The following SIGLEC7 variants were observed in gnomAD, a reference collection of about 807,000 sequenced individuals.
The protein encoded by SIGLEC7 is sialic acid binding Ig like lectin 7, also known as sialic acid-binding Ig-like lectin 7.
SIGLEC7 carries 33 observed loss-of-function variants against 40.8 expected under a neutral mutation model. The ratio of observed to expected loss-of-function variants is 0.81; its 90% CI spans 0.61 to 1.08. SIGLEC7 has a LOEUF of 1.08. Among genes scored for constraint, SIGLEC7 ranks in the 50% least tolerant of loss-of-function variants. SIGLEC7 has a pLI of 0.00. For synonymous variants in SIGLEC7, 242 were observed against 237.6 expected (o/e 1.02, Z -0.17); for missense variants, 513 against 576.1 (o/e 0.89, Z 1.12).
intron 2 of SIGLEC7, 40 bp from the exon 3 acceptor site, chr19:51,144,872 C>A (rs759820886): frequency 1.2e-6 from 2 of 1,608,024 alleles, no homozygotes; most frequent in Non-Finnish European, 1.7e-6. Context: ...GTGTCCCCAG[C>A]CCTCACAGTG....
rs1047743271 is a variant in SIGLEC7, at chr19:51,142,409, G to C, written c.40G>C (p.Glu14Gln). The C allele has an allele frequency of 1.2e-6, 2 of 1,614,112 alleles. No individual in the cohort carries two copies. The highest frequency in any genetic ancestry group is 2.7e-5 in the African/African-American group (2 of 75,042). The change falls in exon 1 of 7, where the codon GAG becomes CAG. Residue 14 changes from glutamate (E) to glutamine (Q), a missense_variant. Physicochemically the swap from Glu to Gln is conservative, Grantham distance 29. Coordinates refer to ENST00000317643, the MANE Select transcript of SIGLEC7 (RefSeq NM_014385.4). The surrounding 1 kb of genome is among the most constrained non-coding windows in gnomAD (Gnocchi z 5.0). ...GCTGCTGCCCCTGCTCTGGGGGAGG[G>C]AGAGGGTGGAAGGACAGAAGAGTAA... ...LLLLPLLWGR[E>Q]RVEGQKSNRK...
At position 51,142,508 on chromosome 19, in the gene SIGLEC7, T is replaced by C; in HGVS notation, c.139T>C (p.Ser47Pro). The C allele has an allele frequency of 1.2e-6, 2 of 1,614,146 alleles. No individual in the cohort carries two copies. The highest frequency in any genetic ancestry group is 2.2e-5 in the South Asian group (2 of 91,082). Residue 47 changes from serine (S) to proline (P), a missense_variant, in exon 1 of 7, where the codon TCC (serine) becomes CCC (proline). By Grantham distance (74) the Ser-to-Pro change is moderately conservative. Transcript: ENST00000317643. The surrounding 1 kb of genome is among the most constrained non-coding windows in gnomAD (Gnocchi z 5.0). ...QEGMCVHVRCSFSYPVDSQTD... is the reference protein window; with the variant it reads ...QEGMCVHVRCPFSYPVDSQTD... Reference sequence around the variant, plus strand: ...GGGCATGTGTGTCCATGTGCGCTGCTCCTTCTCCTACCCAGTGGACAGCCA... The same window carrying C: ...GGGCATGTGTGTCCATGTGCGCTGCCCCTTCTCCTACCCAGTGGACAGCCA...
At chr19:51,147,079 C>A in intron 5 of SIGLEC7, 142 bp from the exon 6 acceptor site, 1 of 1,303,408 alleles carries the variant, frequency 7.7e-7, no homozygotes, top group Admixed American at 2.5e-5. Context: ...GTTTTCAACA[C>A]TGGGGTCTCT....
In SIGLEC7 at chr19:51,144,401, AC is replaced by A. The variant is rs777590905; in HGVS notation, c.434-3del. ...CCTGATCCTGAGTCCCCCTCTCTTC[AC>A]CAGCCTTGACCCACAGGCCCAACAT... is the stretch of plus-strand genomic sequence containing the variant. On this transcript the variant is annotated splice_polypyrimidine_tract_variant and splice_region_variant and intron_variant, in intron 1 of 6. Coordinates refer to ENST00000317643, the MANE Select transcript of SIGLEC7 (RefSeq NM_014385.4). 3.9e-5 allele frequency: 63 copies of A among 1,603,010 alleles called. No homozygotes were observed. In the African/African-American group the frequency reaches 8.2e-4, roughly 21 times the overall value.
chr19:51,148,628 G>A (rs1041029086), intron 6 of SIGLEC7, among the ~76,000 whole-genome samples: 1 of 152,158 alleles, frequency 6.6e-6, no homozygotes. Context: ...TTGCTATTGT[G>A]AATAGTACTA....
Position 51,144,371 on chromosome 19 carries a change from T to C in SIGLEC7, c.434-35T>C, listed in dbSNP as rs369737207. The C allele has an allele frequency of 2.9e-5, 46 of 1,574,736 alleles. No individual in the cohort carries two copies. In the East Asian group the frequency reaches 6.0e-4, roughly 21 times the overall value. ...TCCCCCAGGGCTGTACCATGGATCC[T>C]CTGTCCTGATCCTGAGTCCCCCTCT... is the stretch of plus-strand genomic sequence containing the variant. On this transcript the variant is annotated intron_variant, in intron 1 of 6. Coordinates refer to ENST00000317643, the MANE Select transcript of SIGLEC7 (RefSeq NM_014385.4).
Position 51,148,243 on chromosome 19 carries a change from T to C in SIGLEC7, c.1221+926T>C, listed in dbSNP as rs187983208. 5.8e-4 allele frequency among the ~76,000 whole-genome samples: 88 copies of C among 152,298 alleles called. 1 individual carries two copies. Among genetic ancestry groups the C allele is most frequent in the African/African-American group, 2.0e-3 (85 of 41,550 alleles). ...GTGCAGGTTTGTTACATACATAAAC[T>C]CTGGTCAGAGGGGTTTGTGGTACAG... On this transcript the variant is annotated intron_variant, in intron 6 of 6. Coordinates refer to ENST00000317643, the MANE Select transcript of SIGLEC7 (RefSeq NM_014385.4).
chr19:51,142,878 G>A lies in SIGLEC7; in HGVS notation c.433+76G>A. The A allele has an allele frequency of 1.4e-6, 2 of 1,447,260 alleles. No homozygotes were observed. The highest frequency in any genetic ancestry group is 1.9e-6 in the Non-Finnish European group (2 of 1,065,324). 89.7% of individuals were successfully genotyped at this position (1,447,260 alleles called of 1,614,324 possible). On this transcript the variant is annotated intron_variant, in intron 1 of 6. Transcript: ENST00000317643. This position sits in a 1 kb window ranked among gnomAD's most constrained non-coding sequence, Gnocchi z 5.0. ...AGGGCACGGCTGAGACGGGACACAT[G>A]TCCTGGGAGGGGGCCGGGGGTGATG... is the stretch of plus-strand genomic sequence containing the variant.
rs115502764 is a variant in SIGLEC7 at position 51,153,426 on chromosome 19, G to A, written c.*181G>A. 3.8e-3 allele frequency: 1,705 copies of A among 447,142 alleles called. 30 individuals are homozygous for A. Among genetic ancestry groups the A allele is most frequent in the African/African-American group, 0.029 (1,468 of 49,926 alleles). 27.7% of individuals were successfully genotyped at this position (447,142 alleles called of 1,614,324 possible). On this transcript the variant is annotated 3_prime_UTR_variant, in exon 7 of 7. Transcript: ENST00000317643. ...AAACTCTCCCTTTCCCCATCCAATC[G>A]GTCCACACTCCCCGCCCTGGCCTCT...
chr19:51,147,463 C>T (rs2092117139), intron 6 of SIGLEC7, 146 bp downstream of exon 6: 1 of 637,382 alleles, frequency 1.6e-6, no homozygotes, highest in Non-Finnish European at 2.6e-6. Context: ...TGCAGGATTC[C>T]CCATCTTGCT....
chr19:51,147,439 C>A, intron 6 of SIGLEC7, 122 bp downstream of exon 6: 2 of 725,146 alleles, frequency 2.8e-6, no homozygotes, highest in South Asian at 1.8e-5. Context: ...TCCTTCCCAC[C>A]ATCCAGCTTC....
intron 6 of SIGLEC7, among the ~76,000 whole-genome samples, chr19:51,148,929 T>C (rs1178317011): frequency 6.6e-6 from 1 of 152,254 alleles, no homozygotes; most frequent in Non-Finnish European, 1.5e-5. Context: ...TGCGTTTCTC[T>C]AGTGATCAGC....
Position 51,144,412 on chromosome 19 carries a change from C to T in SIGLEC7, c.440C>T (p.Thr147Ile). 6.2e-7 allele frequency: 1 copy of T among 1,608,282 alleles called. No homozygotes were observed. The highest frequency in any genetic ancestry group is 1.3e-5 in the African/African-American group (1 of 75,012). ...GTCCCCCTCTCTTCACCAGCCTTGA[C>T]CCACAGGCCCAACATCCTTATCCCC... The part of the protein sequence containing the change: ...DQLSVNVTAL[T>I]HRPNILIPGT... The change falls in exon 2 of 7, where the codon ACC becomes ATC. Residue 147 changes from threonine to isoleucine, a missense_variant. Physicochemically the swap from Thr to Ile is moderately conservative, Grantham distance 89. Coordinates refer to ENST00000317643, the MANE Select transcript of SIGLEC7 (RefSeq NM_014385.4).
Position 51,145,048 on chromosome 19 carries a change from G to C in SIGLEC7, c.760+89G>C. 7.8e-7 allele frequency: 1 copy of C among 1,287,390 alleles called. No individual in the cohort carries two copies. The highest frequency in any genetic ancestry group is 1.1e-6 in the Non-Finnish European group (1 of 885,660). The allele number at this position is 1,287,390 out of a possible 1,614,324, so 79.7% of individuals were successfully genotyped here. On this transcript the variant is annotated intron_variant, in intron 3 of 6. Coordinates refer to ENST00000317643, the MANE Select transcript of SIGLEC7 (RefSeq NM_014385.4). The surrounding 1 kb of genome is among the most constrained non-coding windows in gnomAD (Gnocchi z 4.3). The stretch of plus-strand genomic sequence containing the variant: ...TCCCTCCTCATCCTGGACTCACCCT[G>C]GTGATATGAGACTCCCTTGTAGTTG...
intron 6 of SIGLEC7, among the ~76,000 whole-genome samples, chr19:51,151,455 A>G (rs1175102852): frequency 1.3e-5 from 2 of 152,192 alleles, no homozygotes; most frequent in Non-Finnish European, 2.9e-5. Flanking sequence ...AGGAGAAAGG[A>G]GTGGGCTGGG....
intron 6 of SIGLEC7, chr19:51,152,817 T>C (rs2092152393): frequency 3.8e-6 from 1 of 260,088 alleles, no homozygotes; most frequent in Admixed American, 5.5e-5. Flanking sequence ...ATGGAGTTGT[T>C]GCGGGAAGTT....
intron 6 of SIGLEC7, among the ~76,000 whole-genome samples, chr19:51,152,306 A>C (rs1405910380): frequency 1.3e-5 from 2 of 152,194 alleles, no homozygotes; most frequent in African/African-American, 2.4e-5. Context: ...CAAATAATCC[A>C]GGATAACCTC....
In SIGLEC7 at chr19:51,145,983, C is replaced by T. The variant is rs971763857; in HGVS notation, c.889C>T (p.Pro297Ser). The T allele has an allele frequency of 6.2e-7, 1 of 1,614,214 alleles. No individual in the cohort carries two copies. The highest frequency in any genetic ancestry group is 8.5e-7 in the Non-Finnish European group (1 of 1,180,040). Residue 297 changes from proline (P) to serine (S), a missense_variant, in exon 4 of 7, where the codon CCC (proline) becomes TCC (serine). Physicochemically the swap from Pro to Ser is moderately conservative, Grantham distance 74 (BLOSUM62 -1). Transcript: ENST00000317643. The surrounding 1 kb of genome is among the most constrained non-coding windows in gnomAD (Gnocchi z 4.3). ...GACCTGGAGGAGTCTGACCCTGTAC[C>T]CCTCACAGCCCTCAAACCCTCTGGT... is the stretch of plus-strand genomic sequence containing the variant. The part of the protein sequence containing the change: ...SWTWRSLTLY[P>S]SQPSNPLVLE...
At position 51,148,224 on chromosome 19, in the gene SIGLEC7, G is replaced by A. The variant is rs56239934; in HGVS notation, c.1221+907G>A. On this transcript the variant is annotated intron_variant, in intron 6 of 6. Transcript: ENST00000317643. Reference sequence around the variant, plus strand: ...TTTAGGTTTGGGGGTACATGTGCAGGTTTGTTACATACATAAACTCTGGTC... The same window carrying A: ...TTTAGGTTTGGGGGTACATGTGCAGATTTGTTACATACATAAACTCTGGTC... Among the ~76,000 whole-genome samples, 1,403 of 151,296 alleles carry A rather than the reference G, an allele frequency of 9.3e-3. 9 individuals carry two copies. Among genetic ancestry groups the A allele is most frequent in the Non-Finnish European group, 0.013 (866 of 68,022 alleles).
Sources: gnomAD v4.1 joint callset for allele counts (sites outside exome capture counted in the v4.1 genomes callset) on GRCh38, gnomAD v4.1.1 for gene constraint, Gnocchi (gnomAD v3.1) non-coding constraint, MANE v1.5 for transcripts, NCBI Gene and HGNC (gene_info 2026-07-23, HGNC 2026-07-21) for gene names.